RGS7: variants seen among roughly 807,000 people sequenced by gnomAD.
RGS7 encodes the protein regulator of G protein signaling 7, also known as regulator of G-protein signaling 7.
Under a neutral mutation model 81.1 loss-of-function variants are expected in RGS7, and 27 were observed. The observed-to-expected ratio is 0.33, with a 90% CI of 0.25 to 0.46. The LOEUF is 0.46. Ranked by LOEUF, RGS7 falls within the 20% of genes least tolerant of loss-of-function variation. The probability of loss-of-function intolerance (pLI) is 1.00; values close to 1 mark genes in which losing one functional copy is unlikely to be tolerated. For synonymous variants in RGS7, 208 were observed against 207.7 expected (o/e 1.00, Z -0.01); for missense variants, 396 against 607.4 (o/e 0.65, Z 3.66).
chr1:240,872,081 A>G (rs1315795882), intron 6 of RGS7, among the ~76,000 whole-genome samples: 1 of 152,196 alleles, frequency 6.6e-6, no homozygotes, highest in East Asian at 1.9e-4. Flanking sequence ...CTTGTAATAC[A>G]GGTGTCCTAT....
chr1:241,285,159 C>T (rs185741731), intron 2 of RGS7, among the ~76,000 whole-genome samples: 9 of 152,264 alleles, frequency 5.9e-5, no homozygotes, highest in South Asian at 4.1e-4. Context: ...TGTGAGCCAC[C>T]GCGCCCGGCC....
chr1:240,910,154 T>C (rs1378051705), intron 6 of RGS7, among the ~76,000 whole-genome samples: 2 of 152,188 alleles, frequency 1.3e-5, no homozygotes, highest in Non-Finnish European at 2.9e-5. Flanking sequence ...CTTTTGTGTA[T>C]ATATAGATAC....
chr1:241,325,809 G>A (rs1573683754), intron 2 of RGS7, among the ~76,000 whole-genome samples: 1 of 152,242 alleles, frequency 6.6e-6, no homozygotes, highest in Non-Finnish European at 1.5e-5. Context: ...GGGGAAGGGA[G>A]GAGGAAGAGG....
chr1:241,165,729 A>G (rs1175603418), intron 2 of RGS7, among the ~76,000 whole-genome samples: 1 of 151,702 alleles, frequency 6.6e-6, no homozygotes, highest in Non-Finnish European at 1.5e-5. Context: ...ATGTATACAT[A>G]TGTAACTAAC....
intron 3 of RGS7, among the ~76,000 whole-genome samples, chr1:241,052,901 T>C (rs1210731282): frequency 1.3e-5 from 2 of 151,942 alleles, no homozygotes; most frequent in Non-Finnish European, 2.9e-5. Flanking sequence ...CAGAACAAGA[T>C]AATTTTTCCA....
At chr1:240,895,160 T>G (rs960044429) in intron 6 of RGS7, among the ~76,000 whole-genome samples, 1 of 152,188 alleles carries the variant, frequency 6.6e-6, no homozygotes, top group Admixed American at 6.5e-5. Context: ...TCCACCATGA[T>G]TGAAAGCTCC....
chr1:241,336,668 T>C (rs1009124003), intron 2 of RGS7, among the ~76,000 whole-genome samples: 2 of 152,254 alleles, frequency 1.3e-5, no homozygotes, highest in African/African-American at 2.4e-5. Flanking sequence ...TAGGACTATA[T>C]GAATGATTAA....
intron 2 of RGS7, among the ~76,000 whole-genome samples, chr1:241,280,494 A>G (rs1460053296): frequency 6.6e-6 from 1 of 152,142 alleles, no homozygotes; most frequent in Non-Finnish European, 1.5e-5. Flanking sequence ...ATTTGTGTAC[A>G]AGTTTTTGGT....
rs184124062 is a variant in RGS7, at chr1:241,008,056, C to T, written c.176-24927G>A. Among the ~76,000 whole-genome samples the T allele has an allele frequency of 2.4e-3, 371 of 152,256 alleles. 1 individual carries two copies. Among genetic ancestry groups the T allele is most frequent in the Admixed American group, 6.3e-3 (97 of 15,294 alleles). On this transcript the variant is annotated intron_variant, in intron 3 of 18. Coordinates refer to ENST00000440928, the MANE Select transcript of RGS7 (RefSeq NM_001364886.1). ...AATTCTGCCTTTTCTGCCTCCACACCTCAAATATACAGATATGGGACCTGT... is the reference window on the plus strand; with the variant it reads ...AATTCTGCCTTTTCTGCCTCCACACTTCAAATATACAGATATGGGACCTGT...
chr1:241,045,766 G>A (rs1261373590), intron 3 of RGS7, among the ~76,000 whole-genome samples: 1 of 152,126 alleles, frequency 6.6e-6, no homozygotes, highest in Non-Finnish European at 1.5e-5. Context: ...TTGTTTTCCT[G>A]TACCTTGCTT....
At chr1:241,317,295 T>C (rs1195926501) in intron 2 of RGS7, among the ~76,000 whole-genome samples, 5 of 152,216 alleles carry the variant, frequency 3.3e-5, no homozygotes, top group Non-Finnish European at 7.3e-5. Flanking sequence ...TAAGTTTATA[T>C]AATTGAATAG....
At position 241,064,423 on chromosome 1, in the gene RGS7, CA is replaced by C. The variant is rs557864611; in HGVS notation, c.175+34242del. The stretch of plus-strand genomic sequence containing the variant: ...CAAGATAGAGAGACCCAGTCTCTAC[CA>C]AAAAAAAAAAAAAAAAAATCAGCCA... On this transcript the variant is annotated intron_variant, in intron 3 of 18. Coordinates refer to ENST00000440928, the MANE Select transcript of RGS7 (RefSeq NM_001364886.1). Among the ~76,000 whole-genome samples, 335 of 95,220 alleles carry C rather than the reference CA, an allele frequency of 3.5e-3. 1 individual carries two copies. The highest frequency in any genetic ancestry group is 7.9e-3 in the Middle Eastern group (1 of 126). 62.5% of individuals were successfully genotyped at this position (95,220 alleles called of 152,430 possible). A position where few individuals can be genotyped will look rare whatever the true frequency, so the allele number is the denominator to read the frequency against.
In RGS7 at chr1:241,221,034, G is replaced by GAA. The variant is rs1438313538; in HGVS notation, c.79-122274_79-122273dup. Among the ~76,000 whole-genome samples, 5 of 97,688 alleles carry GAA rather than the reference G, an allele frequency of 5.1e-5. No individual in the cohort carries two copies. In the East Asian group the frequency reaches 1.8e-3, roughly 35 times the overall value. The allele number at this position is 97,688 out of a possible 152,430, so 64.1% of individuals were successfully genotyped here. ...GGAAGGAAGGAAGGAAGGAAGGAAG[G>GAA]AAGGAAAAGAAAGAAAGAAAGAAAG... On this transcript the variant is annotated intron_variant, in intron 2 of 18. Transcript: ENST00000440928.
intron 10 of RGS7, among the ~76,000 whole-genome samples, chr1:240,818,259 A>G (rs1365683657): frequency 6.6e-6 from 1 of 152,060 alleles, no homozygotes; most frequent in Non-Finnish European, 1.5e-5. Context: ...AACACTTACT[A>G]TATACTAGAT....
intron 2 of RGS7, among the ~76,000 whole-genome samples, chr1:241,199,104 G>C (rs2073295837): frequency 1.4e-5 from 2 of 143,442 alleles, no homozygotes; most frequent in South Asian, 4.2e-4. Flanking sequence ...GTAAAAAAAA[G>C]AAGTCATCTG....
intron 2 of RGS7, among the ~76,000 whole-genome samples, chr1:241,182,763 C>G (rs561984392): frequency 6.6e-6 from 1 of 151,532 alleles, no homozygotes; most frequent in African/African-American, 2.4e-5. Flanking sequence ...ATTCTCCTGC[C>G]TCAGCCTCCC....
At chr1:240,983,397 G>A (rs965117709) in intron 3 of RGS7, among the ~76,000 whole-genome samples, 1 of 152,136 alleles carries the variant, frequency 6.6e-6, no homozygotes, top group African/African-American at 2.4e-5. Flanking sequence ...AGTAGAAAGT[G>A]ATTTGTTTAC....
chr1:241,086,528 C>G (rs1357372025), intron 3 of RGS7, among the ~76,000 whole-genome samples: 1 of 152,124 alleles, frequency 6.6e-6, no homozygotes, highest in East Asian at 1.9e-4. Context: ...TTGGGTCAAG[C>G]CTTCATCATC....
At chr1:240,979,992 T>C (rs1276694429) in intron 4 of RGS7, among the ~76,000 whole-genome samples, 2 of 152,194 alleles carry the variant, frequency 1.3e-5, no homozygotes, top group East Asian at 3.8e-4. Context: ...TATAAAAGTG[T>C]ACTCACAAAG....
Sources: gnomAD v4.1 joint callset for allele counts (sites outside exome capture counted in the v4.1 genomes callset) on GRCh38, gnomAD v4.1.1 for gene constraint, MANE v1.5 for transcripts, NCBI Gene and HGNC (gene_info 2026-07-23, HGNC 2026-07-21) for gene names.